The following TTN variants were observed in gnomAD, a reference collection of about 807,000 sequenced individuals.
TTN encodes the protein titin, also known as connectin.
In TTN, 1,525 loss-of-function variants were observed where a neutral mutation model predicts 3,223.0. The ratio of observed to expected loss-of-function variants is 0.47; its 90% CI spans 0.45 to 0.49. The LOEUF is 0.49. Among genes scored for constraint, TTN ranks in the 20% least tolerant of loss-of-function variants. The pLI is 0.00. For missense variants in TTN, 40,786 were observed against 43,424.0 expected (o/e 0.94, Z 5.40); for synonymous variants, 14,094 against 15,161.0 (o/e 0.93, Z 5.17).
rs2075677278 is a variant in TTN at position 178,705,277 on chromosome 2, T to A, written c.29501A>T (p.Glu9834Val). Residue 9834 changes from glutamate to valine, a missense_variant, in exon 103 of 363, where the codon GAA becomes GTA. Glu to Val is a moderately radical substitution (Grantham distance 121). Coordinates refer to ENST00000589042, the MANE Select transcript of TTN (RefSeq NM_001267550.2). ...MELLKNVDPK[E>V]YEKYARMYGI... ...ATACATGCGGGCATATTTTTCATATTCTTTAGGATCAACATTTTTGAGAAG... is the reference window on the plus strand; with the variant it reads ...ATACATGCGGGCATATTTTTCATATACTTTAGGATCAACATTTTTGAGAAG... 6.2e-7 allele frequency: 1 copy of A among 1,613,436 alleles called. No individual in the cohort carries two copies. The highest frequency in any genetic ancestry group is 2.2e-5 in the East Asian group (1 of 44,860).
chr2:178,694,277 G>A (rs1442062440), intron 117 of TTN, among the ~76,000 whole-genome samples: 1 of 152,056 alleles, frequency 6.6e-6, no homozygotes, highest in Non-Finnish European at 1.5e-5. Flanking sequence ...AAATCTGTTA[G>A]GGTCTATTTC....
Position 178,696,136 on chromosome 2 carries a change from GA to G in TTN, c.30935del (p.Val10312AlafsTer15). The G allele has an allele frequency of 6.4e-7, 1 of 1,552,714 alleles. No homozygotes were observed. On this transcript the variant is annotated frameshift_variant, in exon 114 of 363. Coordinates refer to ENST00000589042, the MANE Select transcript of TTN (RefSeq NM_001267550.2). LOFTEE classifies it high-confidence loss of function. ...KKQAVHKEKR[V>X]FIESFEEPYD... Reference sequence around the variant, plus strand: ...AAGGTTCTTCGAAAGATTCAATGAAGACTCTCTTCTCCTTGTGGACTGCTTG... The same window carrying G: ...AAGGTTCTTCGAAAGATTCAATGAAGCTCTCTTCTCCTTGTGGACTGCTTG...
chr2:178,756,005 G>A (rs972622679), intron 46 of TTN, among the ~76,000 whole-genome samples: 4 of 152,048 alleles, frequency 2.6e-5, no homozygotes, highest in Non-Finnish European at 4.4e-5. Flanking sequence ...CCGAACCTAC[G>A]TTTAAAAATT....
intron 171 of TTN, 25 bp from the exon 172 acceptor site, chr2:178,663,541 A>T (rs1170702419): frequency 3.1e-6 from 5 of 1,613,492 alleles, no homozygotes; most frequent in Non-Finnish European, 4.2e-6. Context: ...GTGAAATTAC[A>T]TTTAGGCATT....
At chr2:178,650,719 G>T in intron 209 of TTN, 32 bp downstream of exon 209, 2 of 1,546,212 alleles carry the variant, frequency 1.3e-6, no homozygotes, top group Non-Finnish European at 1.8e-6. Context: ...GTCGCAAGTG[G>T]CAAGGTCATT....
chr2:178,667,000 C>A (rs2066066319), intron 162 of TTN, 99 bp from the exon 163 acceptor site: 7 of 959,844 alleles, frequency 7.3e-6, no homozygotes, highest in Non-Finnish European at 7.5e-6. Context: ...TTTCAGATAT[C>A]TTTATGTTAG....
At chr2:178,804,503 G>C in intron 2 of TTN, 49 bp downstream of exon 2, 1 of 1,515,670 alleles carries the variant, frequency 6.6e-7, no homozygotes, top group South Asian at 1.2e-5. Context: ...TAACTTACTG[G>C]AGAGGAGGCA....
In TTN at chr2:178,717,529, G is replaced by C. The variant is rs1299720002; in HGVS notation, c.25345C>G (p.Leu8449Val). 1.2e-6 allele frequency: 2 copies of C among 1,600,108 alleles called. No homozygotes were observed. Among genetic ancestry groups the C allele is most frequent in the Non-Finnish European group, 1.7e-6 (2 of 1,172,156 alleles). ...GTASSSAKLILSEHEVPPFFD... is the reference protein window; with the variant it reads ...GTASSSAKLIVSEHEVPPFFD... ...GGTACTGTGAGTTACTCACCTGAGA[G>C]AATGAGCTTGGCACTGGATGAAGCA... The change falls in exon 87 of 363, where the codon CTC becomes GTC. Residue 8449 changes from leucine to valine, a missense_variant. Transcript: ENST00000589042.
At chr2:178,711,708 A>T (rs1008782738) in intron 96 of TTN, among the ~76,000 whole-genome samples, 8 of 152,226 alleles carry the variant, frequency 5.3e-5, no homozygotes, top group Non-Finnish European at 7.3e-5. Context: ...GTCACTTTTT[A>T]AAAAAGATTT....
rs1449675671 is a variant in TTN, at chr2:178,789,396, A to G, written c.2040T>C (p.Ala680=). ...TAACTTGGATTTGTTCTTGTCTAGT[A>G]GCCATAGTTTCTCTAGTTCTCAGTA... ...ETILRTRETM[A]TRQEQIQVTH... The change falls in exon 13 of 363, where the codon GCT becomes GCC. Residue 680 remains alanine, a synonymous_variant. Coordinates refer to ENST00000589042, the MANE Select transcript of TTN (RefSeq NM_001267550.2). The G allele has an allele frequency of 2.5e-6, 4 of 1,613,536 alleles. No individual in the cohort carries two copies. The highest frequency in any genetic ancestry group is 2.2e-5 in the East Asian group (1 of 44,822).
In TTN at chr2:178,597,722, A is replaced by T. The variant is rs778995340; in HGVS notation, c.57360T>A (p.Pro19120=). The part of the protein sequence containing the change: ...IRIIAYVSGK[P]PPTVTWNMNE... The stretch of plus-strand genomic sequence containing the variant: ...TCATGTTCCAGGTGACGGTTGGAGG[A>T]GGCTTTCCAGACACATAGGCAATGA... Residue 19120 remains proline (P), a synonymous_variant, in exon 294 of 363, where the codon CCT becomes CCA. Transcript: ENST00000589042. 19 of 1,613,274 alleles carry T rather than the reference A, an allele frequency of 1.2e-5. 1 individual carries two copies. Among genetic ancestry groups the T allele is most frequent in the Non-Finnish European group, 1.6e-5 (19 of 1,179,552 alleles).
At chr2:178,693,321 C>G (rs2072913172) in intron 119 of TTN, among the ~76,000 whole-genome samples, 1 of 152,058 alleles carries the variant, frequency 6.6e-6, no homozygotes, top group Non-Finnish European at 1.5e-5. Context: ...ACCATAGGCT[C>G]TGGTGAGCTA....
chr2:178,580,078 T>C lies in TTN; in HGVS notation c.67209A>G (p.Thr22403=). Residue 22403 remains threonine (T), a synonymous_variant, in exon 318 of 363, where the codon ACA becomes ACG. Transcript: ENST00000589042. ...KRDAERKSWS[T]VTTECSKTSF... is the part of the protein sequence containing the mutation. ...TTGTTTTGGAGCACTCAGTTGTCAC[T>C]GTAGACCAGGATTTCCTCTCTGCAT... 1 of 1,613,378 alleles carries C rather than the reference T, an allele frequency of 6.2e-7. No homozygotes were observed. The highest frequency in any genetic ancestry group is 8.5e-7 in the Non-Finnish European group (1 of 1,179,494).
chr2:178,608,107 C>T, intron 275 of TTN, 26 bp from the exon 276 acceptor site: 1 of 1,608,152 alleles, frequency 6.2e-7, no homozygotes, highest in Non-Finnish European at 8.5e-7. Flanking sequence ...ATAGACAAAT[C>T]AAACTCCCTG....
intron 33 of TTN, among the ~76,000 whole-genome samples, chr2:178,772,054 G>T (rs2091584768): frequency 6.6e-6 from 1 of 151,968 alleles, no homozygotes; most frequent in Non-Finnish European, 1.5e-5. Context: ...AATTTCTCAA[G>T]AAAAAAATCA....
rs545839096 is a variant in TTN, at chr2:178,669,527, T to C, written c.35470+65A>G. 205 of 1,597,076 alleles carry C rather than the reference T, an allele frequency of 1.3e-4. 4 individuals are homozygous for C. The South Asian group carries it at 2.2e-3, about 17-fold the overall frequency. On this transcript the variant is annotated intron_variant, in intron 158 of 362. Transcript: ENST00000589042. ...TACAAGGATTTAATGTCACACACAT[T>C]CACTTTAAACCATGAAAAACTAAAC...
At chr2:178,680,441 A>T in intron 138 of TTN, 110 bp from the exon 139 acceptor site, 2 of 861,866 alleles carry the variant, frequency 2.3e-6, no homozygotes, top group Admixed American at 2.4e-5. Flanking sequence ...CTTTAATGAG[A>T]TACATATGCG....
At position 178,641,226 on chromosome 2, in the gene TTN, C is replaced by A; in HGVS notation, c.40633+15G>T. 1 of 1,477,254 alleles carries A rather than the reference C, an allele frequency of 6.8e-7. No homozygotes were observed. Among genetic ancestry groups the A allele is most frequent in the South Asian group, 1.3e-5 (1 of 76,820 alleles). 91.5% of individuals were successfully genotyped at this position (1,477,254 alleles called of 1,614,324 possible). ...GTTAAAAGATAATCTTACAAATTGT[C>A]ACTGAGATTCCTACCTGCAGGTTTT... On this transcript the variant is annotated intron_variant, in intron 220 of 362. Coordinates refer to ENST00000589042, the MANE Select transcript of TTN (RefSeq NM_001267550.2).
intron 22 of TTN, 97 bp from the exon 23 acceptor site, chr2:178,779,559 C>T (rs2092580271): frequency 4.8e-6 from 4 of 838,400 alleles, no homozygotes; most frequent in Non-Finnish European, 7.4e-6. Flanking sequence ...AAGTTTTTAG[C>T]TGGGAGAAGA....
Sources: allele counts gnomAD v4.1 joint callset (sites outside exome capture counted in the v4.1 genomes callset), GRCh38; gene constraint gnomAD v4.1.1; transcripts MANE v1.5; gene names NCBI Gene and HGNC (gene_info 2026-07-23, HGNC 2026-07-21).